ZNF775: variants seen among roughly 807,000 people sequenced by gnomAD.
ZNF775 encodes the protein zinc finger protein 775.
ZNF775 carries 1 observed loss-of-function variant against 2.4 expected under a neutral mutation model. The ratio of observed to expected loss-of-function variants is 0.41; its 90% CI spans 0.15 to 1.94. The LOEUF (loss-of-function observed/expected upper bound fraction) is 1.94. Ranked by LOEUF, ZNF775 falls within the 30% of genes most tolerant of loss-of-function variation. The pLI is 0.30. For synonymous variants in ZNF775, 381 were observed against 373.3 expected (o/e 1.02, Z -0.24); for missense variants, 823 against 826.6 (o/e 1.00, Z 0.05).
Position 150,397,354 on chromosome 7 carries a change from C to T in ZNF775, c.873C>T (p.Thr291=). 6.3e-7 allele frequency: 1 copy of T among 1,596,246 alleles called. No homozygotes were observed. The highest frequency in any genetic ancestry group is 8.5e-7 in the Non-Finnish European group (1 of 1,174,916). The change falls in exon 3 of 3, where the codon ACC becomes ACT. Residue 291 remains threonine (T), a synonymous_variant. Transcript: ENST00000329630. ...GCAACGAGTGTGGCAAGAGCTTCAC[C>T]TGGTGGTCGTCGCTGAACATCCACC... is the stretch of plus-strand genomic sequence containing the variant. ...FICNECGKSF[T]WWSSLNIHQR...
In ZNF775 at chr7:150,388,411, C is replaced by G; in HGVS notation, c.-49-11C>G. ...GGCCCATTCTCTTTCTTCTGCTTCT[C>G]TTTCTGACAGATGGCAGGAAAGGGA... On this transcript the variant is annotated splice_polypyrimidine_tract_variant and intron_variant, in intron 1 of 2. Coordinates refer to ENST00000329630, the MANE Select transcript of ZNF775 (RefSeq NM_173680.4). The G allele has an allele frequency of 6.5e-7, 1 of 1,549,278 alleles. No individual in the cohort carries two copies. Among genetic ancestry groups the G allele is most frequent in the Admixed American group, 2.0e-5 (1 of 50,962 alleles).
Position 150,397,751 on chromosome 7 carries a change from G to A in ZNF775, c.1270G>A (p.Gly424Arg). 4 of 1,485,844 alleles carry A rather than the reference G, an allele frequency of 2.7e-6. No individual in the cohort carries two copies. The highest frequency in any genetic ancestry group is 3.6e-6 in the Non-Finnish European group (4 of 1,124,014). 92.0% of individuals were successfully genotyped at this position (1,485,844 alleles called of 1,614,324 possible). ...GCCGCGGAGCTCCCAACGGTCCCCG[G>A]GGGCCCGGGACACGCTGTGGGGCCG... ...ARPRSSQRSPGARDTLWGRGQ... is the reference protein window; with the variant it reads ...ARPRSSQRSPRARDTLWGRGQ... The change falls in exon 3 of 3, where the codon GGG (glycine) becomes AGG (arginine). Residue 424 changes from glycine (G) to arginine (R), a missense_variant. Transcript: ENST00000329630.
Position 150,397,506 on chromosome 7 carries a change from G to A in ZNF775, c.1025G>A (p.Cys342Tyr). The A allele has an allele frequency of 6.4e-7, 1 of 1,573,752 alleles. No homozygotes were observed. Among genetic ancestry groups the A allele is most frequent in the Non-Finnish European group, 8.6e-7 (1 of 1,167,106 alleles). ...TGERPHPCPH[C>Y]GRGFRQKQHL... ...GAGCGCCCGCACCCCTGCCCGCACT[G>A]TGGCCGCGGCTTCCGCCAGAAGCAG... The change falls in exon 3 of 3, where the codon TGT becomes TAT. Residue 342 changes from cysteine to tyrosine, a missense_variant. By Grantham distance (194) the Cys-to-Tyr change is radical (BLOSUM62 -2). Transcript: ENST00000329630.
Position 150,397,539 on chromosome 7 carries a change from T to G in ZNF775, c.1058T>G (p.Leu353Arg). Residue 353 changes from leucine (L) to arginine (R), a missense_variant, in exon 3 of 3, where the codon CTC becomes CGC. By Grantham distance (102) the Leu-to-Arg change is moderately radical (BLOSUM62 -2). Coordinates refer to ENST00000329630, the MANE Select transcript of ZNF775 (RefSeq NM_173680.4). Reference protein sequence around the residue: ...GRGFRQKQHLLKHLRTHLPGA... With the variant: ...GRGFRQKQHLRKHLRTHLPGA... ...GGCTTCCGCCAGAAGCAGCACCTGC[T>G]CAAGCACCTGCGCACGCACCTGCCC... 2 of 1,554,914 alleles carry G rather than the reference T, an allele frequency of 1.3e-6. No homozygotes were observed. The highest frequency in any genetic ancestry group is 1.7e-6 in the Non-Finnish European group (2 of 1,157,438).
chr7:150,396,441 T>C lies in ZNF775; in HGVS notation c.32-72T>C. ...CCTGCACCACTTCCCTCTCTCTTGC[T>C]CCTTCTCTCCATCCCACCCAGCGGA... On this transcript the variant is annotated intron_variant, in intron 2 of 2. Coordinates refer to ENST00000329630, the MANE Select transcript of ZNF775 (RefSeq NM_173680.4). 4 of 1,481,650 alleles carry C rather than the reference T, an allele frequency of 2.7e-6. No individual in the cohort carries two copies. In the East Asian group the frequency reaches 7.4e-5, roughly 27 times the overall value. 91.8% of individuals were successfully genotyped at this position (1,481,650 alleles called of 1,614,324 possible).
intron 2 of ZNF775, among the ~76,000 whole-genome samples, chr7:150,394,118 T>C (rs890575614): frequency 2.5e-4 from 38 of 152,388 alleles, no homozygotes; most frequent in African/African-American, 9.1e-4. Context: ...TTACACTGAA[T>C]TTAAACATTA....
At position 150,398,415 on chromosome 7, in the gene ZNF775, G is replaced by A; in HGVS notation, c.*320G>A. ...TGGGGACGCTGGGAGAGTCTCTGGT[G>A]TGAAGTGGCTTAGGTCTGGACTGGT... is the stretch of plus-strand genomic sequence containing the variant. On this transcript the variant is annotated 3_prime_UTR_variant, in exon 3 of 3. Coordinates refer to ENST00000329630, the MANE Select transcript of ZNF775 (RefSeq NM_173680.4). 2.4e-6 allele frequency: 1 copy of A among 422,972 alleles called. No homozygotes were observed. The highest frequency in any genetic ancestry group is 4.2e-6 in the Non-Finnish European group (1 of 236,998). The allele number at this position is 422,972 out of a possible 1,614,324, so 26.2% of individuals were successfully genotyped here. A position where few individuals can be genotyped will look rare whatever the true frequency, so the allele number is the denominator to read the frequency against.
At chr7:150,390,008 A>G (rs1800534075) in intron 2 of ZNF775, among the ~76,000 whole-genome samples, 1 of 151,922 alleles carries the variant, frequency 6.6e-6, no homozygotes, top group South Asian at 2.1e-4. Flanking sequence ...TTGTGTAGCC[A>G]TCACTGCCAT....
chr7:150,388,545 G>A (rs903385572), intron 2 of ZNF775, 44 bp downstream of exon 2: 5 of 1,550,742 alleles, frequency 3.2e-6, no homozygotes, highest in Non-Finnish European at 4.4e-6. Flanking sequence ...GGTCTCCTCT[G>A]CTGAGGTCAC....
At chr7:150,390,587 T>G (rs1800544787) in intron 2 of ZNF775, among the ~76,000 whole-genome samples, 1 of 152,274 alleles carries the variant, frequency 6.6e-6, no homozygotes, top group African/African-American at 2.4e-5. Flanking sequence ...TGTTTTTTGT[T>G]TTCTCTTAAA....
intron 2 of ZNF775, among the ~76,000 whole-genome samples, chr7:150,391,845 G>GA (rs1800565113): frequency 6.6e-6 from 1 of 151,376 alleles, no homozygotes; most frequent in African/African-American, 2.4e-5. Flanking sequence ...CTGAGTAGCT[G>GA]GGATTGCAGG....
In ZNF775 at chr7:150,397,447, C is replaced by A. The variant is rs1800691271; in HGVS notation, c.966C>A (p.Pro322=). Residue 322 remains proline, a synonymous_variant, in exon 3 of 3, where the codon CCC becomes CCA. Transcript: ENST00000329630. ...PECGRRFSQK[P]NLTRHLRNHT... Reference sequence around the variant, plus strand: ...GCGGCCGCCGCTTCAGCCAGAAGCCCAACTTGACGCGGCACCTGCGCAACC... The same window carrying A: ...GCGGCCGCCGCTTCAGCCAGAAGCCAAACTTGACGCGGCACCTGCGCAACC... 4 of 1,593,408 alleles carry A rather than the reference C, an allele frequency of 2.5e-6. No homozygotes were observed. The highest frequency in any genetic ancestry group is 3.4e-6 in the Non-Finnish European group (4 of 1,174,222).
At chr7:150,386,316 CAAAA>C (rs1800451122) in intron 1 of ZNF775, among the ~76,000 whole-genome samples, 1 of 152,192 alleles carries the variant, frequency 6.6e-6, no homozygotes, top group Non-Finnish European at 1.5e-5. Context: ...ACATGCATCT[CAAAA>C]AGACAGAGAT....
rs1192998784 is a variant in ZNF775, at chr7:150,389,890, TGTGTGTGTGTGTGTGTGTGTGTGTG to T, written c.31+1390_31+1414del. Among the ~76,000 whole-genome samples, 226 of 25,832 alleles carry T rather than the reference TGTGTGTGTGTGTGTGTGTGTGTGTG, an allele frequency of 8.7e-3. 4 individuals carry two copies. The highest frequency in any genetic ancestry group is 0.02 in the African/African-American group (153 of 7,466). The allele number at this position is 25,832 out of a possible 152,430, so 16.9% of individuals were successfully genotyped here. A position where few individuals can be genotyped will look rare whatever the true frequency, so the allele number is the denominator to read the frequency against. On this transcript the variant is annotated intron_variant, in intron 2 of 2. Transcript: ENST00000329630. The stretch of plus-strand genomic sequence containing the variant: ...GTGTGTGTGTGTGTGTGTGTGTGTG[TGTGTGTGTGTGTGTGTGTGTGTGTG>T]TGTGTTATGGCAAAATATACGCAAC...
At position 150,398,276 on chromosome 7, in the gene ZNF775, C is replaced by T; in HGVS notation, c.*181C>T. 2.8e-6 allele frequency: 3 copies of T among 1,057,748 alleles called. No homozygotes were observed. The South Asian group carries it at 5.5e-5, about 19-fold the overall frequency. 65.5% of individuals were successfully genotyped at this position (1,057,748 alleles called of 1,614,324 possible). A position where few individuals can be genotyped will look rare whatever the true frequency, so the allele number is the denominator to read the frequency against. On this transcript the variant is annotated 3_prime_UTR_variant, in exon 3 of 3. Transcript: ENST00000329630. ...CGTCCCAAAGGGTGCTGGGAAAGGT[C>T]CCAGCGTGGGTTGAGGGAGGAGGGA...
rs1172985352 is a variant in ZNF775, at chr7:150,398,066, G to T, written c.1585G>T (p.Ala529Ser). ...CCAGCGCGTGCACCGCGCGGCCCCT[G>T]CGTGCAGCCCCAAGGAGGAGGCGCG... Reference protein sequence around the residue: ...KHQRVHRAAPACSPKEEAR With the variant: ...KHQRVHRAAPSCSPKEEAR The change falls in exon 3 of 3, where the codon GCG (alanine) becomes TCG (serine). Residue 529 changes from alanine to serine, a missense_variant. Transcript: ENST00000329630. 6.4e-7 allele frequency: 1 copy of T among 1,561,768 alleles called. No individual in the cohort carries two copies. Among genetic ancestry groups the T allele is most frequent in the East Asian group, 2.3e-5 (1 of 42,602 alleles).
At chr7:150,387,440 A>G (rs1800473059) in intron 1 of ZNF775, among the ~76,000 whole-genome samples, 1 of 152,148 alleles carries the variant, frequency 6.6e-6, no homozygotes, top group South Asian at 2.1e-4. Flanking sequence ...GGGCATCCAC[A>G]CAGCAGTGTG....
At chr7:150,387,594 A>T (rs1388827590) in intron 1 of ZNF775, among the ~76,000 whole-genome samples, 1 of 152,184 alleles carries the variant, frequency 6.6e-6, no homozygotes, top group South Asian at 2.1e-4. Context: ...CGGGCGGATC[A>T]TGAGGTCAGG....
chr7:150,387,372 T>C (rs7810240), intron 1 of ZNF775, among the ~76,000 whole-genome samples: 67,301 of 148,256 alleles, frequency 0.45, 15,323 homozygotes, highest in Admixed American at 0.51. Context: ...CTGATAGAAG[T>C]GTGGGGGGCA....
Sources: allele counts gnomAD v4.1 joint callset (sites outside exome capture counted in the v4.1 genomes callset), GRCh38; gene constraint gnomAD v4.1.1; transcripts MANE v1.5; gene names NCBI Gene and HGNC (gene_info 2026-07-23, HGNC 2026-07-21).